Variants in SPATA6 observed in about 807,000 individuals in gnomAD.
SPATA6 encodes spermatogenesis-associated protein 6.
A neutral mutation model predicts 65.3 loss-of-function variants in SPATA6; 56 were observed. The ratio of observed to expected loss-of-function variants is 0.86; its 90% CI spans 0.69 to 1.07. The LOEUF (loss-of-function observed/expected upper bound fraction) is 1.07. SPATA6 is among the 50% of genes least tolerant of loss of function. SPATA6 has a pLI of 0.00. For missense variants in SPATA6, 590 were observed against 594.8 expected, an observed-to-expected ratio of 0.99 and a Z score of 0.08; for synonymous variants, 199 against 213.2, an observed-to-expected ratio of 0.93 and a Z score of 0.58.
At chr1:48,335,005 G>A (rs1244893603) in intron 11 of SPATA6, among the ~76,000 whole-genome samples, 1 of 151,984 alleles carries the variant, frequency 6.6e-6, no homozygotes, top group Non-Finnish European at 1.5e-5. Flanking sequence ...CAAGCTAAGA[G>A]CCAAATCAGG....
chr1:48,316,734 A>T (rs1467057454), intron 11 of SPATA6, among the ~76,000 whole-genome samples: 1 of 152,248 alleles, frequency 6.6e-6, no homozygotes, highest in Admixed American at 6.5e-5. Context: ...CTACCATCAG[A>T]GTGAACAGGC....
intron 3 of SPATA6, among the ~76,000 whole-genome samples, chr1:48,422,768 TAC>T (rs1174082996): frequency 1.3e-5 from 2 of 152,204 alleles, no homozygotes; most frequent in African/African-American, 2.4e-5. Flanking sequence ...CCATGAATGG[TAC>T]AGTTAATTTT....
At chr1:48,309,929 T>G (rs1645158556) in intron 11 of SPATA6, among the ~76,000 whole-genome samples, 2 of 152,218 alleles carry the variant, frequency 1.3e-5, no homozygotes, top group Admixed American at 6.5e-5. Context: ...TGATTGTTTA[T>G]GCAGAGCCTT....
chr1:48,442,561 G>A (rs1429348188), intron 3 of SPATA6, among the ~76,000 whole-genome samples: 1 of 151,494 alleles, frequency 6.6e-6, no homozygotes, highest in East Asian at 1.9e-4. Flanking sequence ...GACTGAGAGA[G>A]AGGAAGAGAC....
intron 2 of SPATA6, 146 bp from the exon 3 acceptor site, chr1:48,451,746 CA>C: frequency 1.5e-6 from 1 of 681,762 alleles, no homozygotes; most frequent in East Asian, 3.0e-5. Flanking sequence ...CCCATCACTA[CA>C]AAAGATTCTA....
chr1:48,428,229 C>A (rs1206425201), intron 3 of SPATA6, among the ~76,000 whole-genome samples: 6 of 152,108 alleles, frequency 3.9e-5, no homozygotes, highest in Admixed American at 3.9e-4. Context: ...CTGAGCCAGG[C>A]AGATCACCTG....
rs143908515 is a variant in SPATA6, at chr1:48,360,873, T to C, written c.910-1103A>G. Among the ~76,000 whole-genome samples the C allele has an allele frequency of 3.4e-3, 511 of 152,208 alleles. 3 individuals are homozygous for C. Among genetic ancestry groups the C allele is most frequent in the African/African-American group, 0.012 (487 of 41,552 alleles). ...ATATTTAGAAGACACAGCCAACAGGTCACAACTGGTCTCGATGTCAAAGAT... is the reference window on the plus strand; with the variant it reads ...ATATTTAGAAGACACAGCCAACAGGCCACAACTGGTCTCGATGTCAAAGAT... On this transcript the variant is annotated intron_variant, in intron 9 of 12. Coordinates refer to ENST00000371847, the MANE Select transcript of SPATA6 (RefSeq NM_019073.4).
chr1:48,436,177 T>G lies in SPATA6; in HGVS notation c.238+15375A>C. 5.6e-6 allele frequency: 9 copies of G among 1,611,146 alleles called. No individual in the cohort carries two copies. In the South Asian group the frequency reaches 9.9e-5, roughly 18 times the overall value. ...AGAAACAGGAAGAGGATTTGACAAC[T>G]TGACTTCTGTCCATCTTGCATGGCA... On this transcript the variant is annotated intron_variant, in intron 3 of 12. Coordinates refer to ENST00000371847, the MANE Select transcript of SPATA6 (RefSeq NM_019073.4).
chr1:48,408,392 T>A (rs1557674821), intron 5 of SPATA6, among the ~76,000 whole-genome samples: 1 of 152,228 alleles, frequency 6.6e-6, no homozygotes, highest in Admixed American at 6.5e-5. Flanking sequence ...TTGAAGGAAG[T>A]TATAGTAAAG....
intron 1 of SPATA6, among the ~76,000 whole-genome samples, chr1:48,455,837 G>T (rs924109931): frequency 3.3e-5 from 5 of 152,042 alleles, no homozygotes; most frequent in Non-Finnish European, 5.9e-5. Context: ...ATGCAAGAAG[G>T]CATTGTTTTT....
Position 48,298,734 on chromosome 1 carries a change from TGAAGCAGA to T in SPATA6, c.1438_1445del (p.Ser480ThrfsTer50). On this transcript the variant is annotated frameshift_variant, in exon 13 of 13. Transcript: ENST00000371847. LOFTEE classifies it high-confidence loss of function. ...GGTCTCAGAAGCTTTCCTGTGTATG[TGAAGCAGA>T]ACTACAGGCCTTTTTGTATAAGTTC... 9 of 1,613,216 alleles carry T rather than the reference TGAAGCAGA, an allele frequency of 5.6e-6. No homozygotes were observed. Among genetic ancestry groups the T allele is most frequent in the Non-Finnish European group, 5.9e-6 (7 of 1,179,636 alleles).
intron 3 of SPATA6, among the ~76,000 whole-genome samples, chr1:48,449,189 A>G (rs1396858642): frequency 6.6e-6 from 1 of 152,216 alleles, no homozygotes; most frequent in Non-Finnish European, 1.5e-5. Flanking sequence ...ATACAAAAGA[A>G]TGACAATATT....
intron 12 of SPATA6, 103 bp from the exon 13 acceptor site, chr1:48,298,996 C>A (rs17104343): frequency 0.04 from 45,711 of 1,138,154 alleles, 2,126 homozygotes; most frequent in Admixed American, 0.19. Context: ...CTATTTAATT[C>A]TCTGCTGGGG....
Position 48,472,108 on chromosome 1 carries a change from G to A in SPATA6, c.-100C>T. On this transcript the variant is annotated 5_prime_UTR_variant, in exon 1 of 13. Coordinates refer to ENST00000371847, the MANE Select transcript of SPATA6 (RefSeq NM_019073.4). Reference sequence around the variant, plus strand: ...GGGACGGGGAGGAGACGAGGTGGCGGCGGCGGTGGCAGCAGTGGCCCCCAG... The same window carrying A: ...GGGACGGGGAGGAGACGAGGTGGCGACGGCGGTGGCAGCAGTGGCCCCCAG... The A allele has an allele frequency of 1.0e-6, 1 of 985,814 alleles. No individual in the cohort carries two copies. The highest frequency in any genetic ancestry group is 1.4e-6 in the Non-Finnish European group (1 of 707,588). The allele number at this position is 985,814 out of a possible 1,614,324, so 61.1% of individuals were successfully genotyped here. A position where few individuals can be genotyped will look rare whatever the true frequency, so the allele number is the denominator to read the frequency against.
At chr1:48,371,037 C>T (rs1463379210) in intron 9 of SPATA6, among the ~76,000 whole-genome samples, 2 of 152,056 alleles carry the variant, frequency 1.3e-5, no homozygotes, top group Non-Finnish European at 2.9e-5. Context: ...TAATTATAGG[C>T]CACCCTCAAT....
chr1:48,350,294 T>C (rs1172574178), intron 11 of SPATA6, among the ~76,000 whole-genome samples: 1 of 151,322 alleles, frequency 6.6e-6, no homozygotes, highest in African/African-American at 2.4e-5. Context: ...TGTTTTGTGC[T>C]TTTCTTTCTT....
chr1:48,278,230 GA>G, the SPATA6 span, among the ~76,000 whole-genome samples: 91,001 of 151,764 alleles, frequency 0.6, 27,963 homozygotes, highest in East Asian at 0.81. Flanking sequence ...CAAAGATGGG[GA>G]AAAAAACAGA....
chr1:48,342,799 C>T (rs1157473021), intron 11 of SPATA6, among the ~76,000 whole-genome samples: 1 of 152,026 alleles, frequency 6.6e-6, no homozygotes, highest in African/African-American at 2.4e-5. Context: ...CATGGGTCCA[C>T]TTTGTGAAAA....
At chr1:48,359,839 T>A in intron 9 of SPATA6, 69 bp from the exon 10 acceptor site, 1 of 1,242,608 alleles carries the variant, frequency 8.0e-7, no homozygotes, top group Non-Finnish European at 1.1e-6. Flanking sequence ...TATTATATAG[T>A]AATATAGTAT....
Sources: gnomAD v4.1 joint callset for allele counts (sites outside exome capture counted in the v4.1 genomes callset) on GRCh38, gnomAD v4.1.1 for gene constraint, MANE v1.5 for transcripts, NCBI Gene and HGNC (gene_info 2026-07-23, HGNC 2026-07-21) for gene names.